The following EPB41L4A variants were observed in gnomAD, a reference collection of about 807,000 sequenced individuals.
EPB41L4A encodes band 4.1-like protein 4A.
EPB41L4A carries 100 observed loss-of-function variants against 108.6 expected under a neutral mutation model. The observed-to-expected ratio is 0.92, with a 90% CI of 0.78 to 1.09. The LOEUF is 1.09. Among genes scored for constraint, EPB41L4A ranks in the 50% least tolerant of loss-of-function variants. The pLI is 0.00. For missense variants in EPB41L4A, 1,030 were observed against 842.7 expected (o/e 1.22, Z -2.75); for synonymous variants, 319 against 289.0 (o/e 1.10, Z -1.05).
chr5:112,360,763 G>A (rs184182323), intron 1 of EPB41L4A, among the ~76,000 whole-genome samples: 10 of 151,938 alleles, frequency 6.6e-5, no homozygotes, highest in East Asian at 3.9e-4. Flanking sequence ...GCCTCTTCCC[G>A]GTCGTCATCC....
At chr5:112,150,716 G>C (rs889363714) in intron 12 of EPB41L4A, among the ~76,000 whole-genome samples, 11 of 152,192 alleles carry the variant, frequency 7.2e-5, no homozygotes, top group Admixed American at 3.3e-4. Flanking sequence ...ACAACCATTA[G>C]ACTGACCTGT....
At chr5:112,303,874 G>A (rs940822533) in intron 2 of EPB41L4A, among the ~76,000 whole-genome samples, 2 of 152,124 alleles carry the variant, frequency 1.3e-5, no homozygotes, top group Non-Finnish European at 2.9e-5. Context: ...ATAAGGGAGG[G>A]CAAAGGAGGA....
intron 12 of EPB41L4A, among the ~76,000 whole-genome samples, chr5:112,150,959 C>T (rs1759441503): frequency 6.6e-6 from 1 of 152,238 alleles, no homozygotes; most frequent in South Asian, 2.1e-4. Flanking sequence ...GTTTCTCAAA[C>T]ATTAATTTGC....
At chr5:112,242,675 A>C (rs867739565) in intron 9 of EPB41L4A, among the ~76,000 whole-genome samples, 1 of 152,344 alleles carries the variant, frequency 6.6e-6, no homozygotes, top group African/African-American at 2.4e-5. Context: ...TCCATTAGAG[A>C]AATCATTATC....
intron 1 of EPB41L4A, among the ~76,000 whole-genome samples, chr5:112,359,966 ATAAT>A (rs1758614502): frequency 6.6e-6 from 1 of 152,228 alleles, no homozygotes; most frequent in Non-Finnish European, 1.5e-5. Flanking sequence ...TCAGAACTCT[ATAAT>A]TACTGACGTG....
At chr5:112,402,314 G>A (rs753537870) in intron 1 of EPB41L4A, among the ~76,000 whole-genome samples, 6 of 151,670 alleles carry the variant, frequency 4.0e-5, no homozygotes, top group Non-Finnish European at 8.8e-5. Flanking sequence ...TGTACAGCCT[G>A]CAGAACTATG....
At chr5:112,350,017 C>A (rs1757940825) in intron 1 of EPB41L4A, among the ~76,000 whole-genome samples, 1 of 152,112 alleles carries the variant, frequency 6.6e-6, no homozygotes, top group Non-Finnish European at 1.5e-5. Context: ...CAGCATTGCC[C>A]AACCGAACTG....
In EPB41L4A at chr5:112,152,460, G is replaced by T. The variant is rs183179656; in HGVS notation, n.994+5941C>A. On this transcript the variant is annotated intron_variant and non_coding_transcript_variant, in intron 12 of 13. Transcript: ENST00000507810. ...TCAAGAAGTGGAGCCTTTGGGTGGT[G>T]ATTATGTCATGAATGGGATTAGTGC... 1.2e-3 allele frequency among the ~76,000 whole-genome samples: 190 copies of T among 152,240 alleles called. 1 individual carries two copies. The highest frequency in any genetic ancestry group is 2.1e-3 in the Non-Finnish European group (144 of 68,014).
chr5:112,364,242 TC>T (rs1218525584), intron 1 of EPB41L4A, among the ~76,000 whole-genome samples: 1 of 152,208 alleles, frequency 6.6e-6, no homozygotes, highest in East Asian at 1.9e-4. Context: ...GCCAGGCTGG[TC>T]TCGAACTCCT....
At chr5:112,301,438 G>A (rs1345978700) in intron 2 of EPB41L4A, among the ~76,000 whole-genome samples, 1 of 152,156 alleles carries the variant, frequency 6.6e-6, no homozygotes, top group African/African-American at 2.4e-5. Flanking sequence ...TAGCCACCCA[G>A]CAGGGCTACC....
intron 9 of EPB41L4A, among the ~76,000 whole-genome samples, chr5:112,254,290 G>T (rs1750911039): frequency 6.6e-6 from 1 of 152,086 alleles, no homozygotes; most frequent in African/African-American, 2.4e-5. Context: ...CATTGAATCT[G>T]CTACCAATCA....
At chr5:112,403,337 CA>C (rs113132902) in intron 1 of EPB41L4A, among the ~76,000 whole-genome samples, 13,329 of 78,568 alleles carry the variant, frequency 0.17, 1,479 homozygotes, top group African/African-American at 0.37. Context: ...TAATCCTCAG[CA>C]AAAAAAAAAA....
intron 1 of EPB41L4A, among the ~76,000 whole-genome samples, chr5:112,355,127 T>G (rs1758286544): frequency 1.3e-5 from 2 of 152,208 alleles, no homozygotes. Context: ...AGATTTATAC[T>G]CAAATTTCAT....
chr5:112,181,756 A>G (rs79201087), intron 18 of EPB41L4A, among the ~76,000 whole-genome samples: 1,646 of 152,324 alleles, frequency 0.011, 21 homozygotes, highest in Non-Finnish European at 0.018. Flanking sequence ...AAGTTCGACA[A>G]GAGAGAAAAA....
chr5:112,405,576 T>C (rs1424029316), intron 1 of EPB41L4A, among the ~76,000 whole-genome samples: 7 of 152,182 alleles, frequency 4.6e-5, no homozygotes, highest in East Asian at 3.9e-4. Context: ...CCAGAGGTGA[T>C]TGGGGATGCT....
chr5:112,147,581 T>A (rs1432206300), intron 12 of EPB41L4A, among the ~76,000 whole-genome samples: 1 of 147,486 alleles, frequency 6.8e-6, no homozygotes, highest in Non-Finnish European at 1.5e-5. Flanking sequence ...AAGGCTGCAG[T>A]AAGCCAAGAC....
chr5:112,195,792 G>T, intron 15 of EPB41L4A, 84 bp from the exon 16 acceptor site: 1 of 1,185,984 alleles, frequency 8.4e-7, no homozygotes, highest in Non-Finnish European at 1.2e-6. Context: ...TTTCACTTCA[G>T]TTAACACATA....
intron 11 of EPB41L4A, among the ~76,000 whole-genome samples, chr5:112,238,334 A>T (rs1395473207): frequency 6.6e-6 from 1 of 152,228 alleles, no homozygotes; most frequent in Non-Finnish European, 1.5e-5. Flanking sequence ...AAGGTTAAAC[A>T]TTAACATATC....
chr5:112,419,885 G>A, upstream of EPB41L4A: 2 of 456,778 alleles, frequency 4.4e-6, no homozygotes, highest in Non-Finnish European at 8.8e-6. Context: ...TGCCGCGGCG[G>A]CGGAATACGG....
Sources: gnomAD v4.1 joint callset for allele counts (sites outside exome capture counted in the v4.1 genomes callset) on GRCh38, gnomAD v4.1.1 for gene constraint, MANE v1.5 for transcripts, NCBI Gene and HGNC (gene_info 2026-07-23, HGNC 2026-07-21) for gene names.